The following DENND1B variants were observed in gnomAD, a reference collection of about 807,000 sequenced individuals.
DENND1B encodes DENN domain-containing protein 1B.
Under a neutral mutation model 90.1 loss-of-function variants are expected in DENND1B, and 59 were observed. The observed-to-expected ratio is 0.65, with a 90% CI of 0.53 to 0.81. The LOEUF is 0.81. Among genes scored for constraint, DENND1B ranks in the 40% least tolerant of loss-of-function variants. The pLI is 0.00. For missense variants in DENND1B, 862 were observed against 912.6 expected, an observed-to-expected ratio of 0.94 and a Z score of 0.71; for synonymous variants, 337 against 324.6, an observed-to-expected ratio of 1.04 and a Z score of -0.41.
intron 10 of DENND1B, among the ~76,000 whole-genome samples, chr1:197,637,038 T>C (rs935754265): frequency 1.3e-5 from 2 of 152,190 alleles, no homozygotes; most frequent in South Asian, 2.1e-4. Context: ...AAAAAAATTA[T>C]AGTATGTGAA....
intron 2 of DENND1B, among the ~76,000 whole-genome samples, chr1:197,725,557 T>C (rs1661551110): frequency 6.6e-6 from 1 of 151,900 alleles, no homozygotes; most frequent in African/African-American, 2.4e-5. Context: ...AGATAACCTA[T>C]ATGCCCATCA....
rs115872195 is a variant in DENND1B, at chr1:197,718,165, T to C, written c.83-3091A>G. On this transcript the variant is annotated intron_variant, in intron 2 of 22. Coordinates refer to ENST00000620048, the MANE Select transcript of DENND1B (RefSeq NM_001195215.2). The stretch of plus-strand genomic sequence containing the variant: ...AGCATATGTTTTAAATAATTTCCAA[T>C]AATTCACAAATTTTTGTGGCCCATT... Among the ~76,000 whole-genome samples, 769 of 152,120 alleles carry C rather than the reference T, an allele frequency of 5.1e-3. 7 individuals carry two copies. Among genetic ancestry groups the C allele is most frequent in the African/African-American group, 0.017 (713 of 41,540 alleles).
chr1:197,564,103 T>C (rs1001337309), intron 15 of DENND1B, among the ~76,000 whole-genome samples: 2 of 151,960 alleles, frequency 1.3e-5, no homozygotes, highest in African/African-American at 4.8e-5. Context: ...GTGAAGATGC[T>C]GTGAAGAGTG....
chr1:197,619,904 G>GAGTCTAC (rs1006688780), intron 10 of DENND1B, among the ~76,000 whole-genome samples: 1 of 151,126 alleles, frequency 6.6e-6, no homozygotes, highest in African/African-American at 2.4e-5. Context: ...GAAGAGAACC[G>GAGTCTAC]AGTCTACAGG....
intron 15 of DENND1B, among the ~76,000 whole-genome samples, chr1:197,569,716 G>C (rs886903919): frequency 2.0e-5 from 3 of 151,974 alleles, no homozygotes; most frequent in Non-Finnish European, 2.9e-5. Context: ...AATAGTACAT[G>C]ATTTCACTAA....
rs1340530694 is a variant in DENND1B at position 197,505,411 on chromosome 1, C to T, written c.*5049G>A. 2 of 151,632 alleles carry T rather than the reference C, an allele frequency of 1.3e-5. No individual in the cohort carries two copies. Among genetic ancestry groups the T allele is most frequent in the South Asian group, 4.2e-4 (2 of 4,806 alleles). 9.4% of individuals were successfully genotyped at this position (151,632 alleles called of 1,614,324 possible). On this transcript the variant is annotated 3_prime_UTR_variant, in exon 23 of 23. Transcript: ENST00000620048. ...AAATGAAATAACAGAGATGAATAGA[C>T]TTATAGGTTCATCATATCAAAGAAG...
rs573487573 is a variant in DENND1B, at chr1:197,668,350, C to T, written c.296+3687G>A. ...TATGAGTAAACAAAAGACAAAAATC[C>T]CTGCCCTCATGAGGGTAACATTCTG... On this transcript the variant is annotated intron_variant, in intron 5 of 22. Coordinates refer to ENST00000620048, the MANE Select transcript of DENND1B (RefSeq NM_001195215.2). Among the ~76,000 whole-genome samples, 285 of 151,506 alleles carry T rather than the reference C, an allele frequency of 1.9e-3. 1 individual carries two copies. The highest frequency in any genetic ancestry group is 3.5e-3 in the Non-Finnish European group (238 of 67,846).
At chr1:197,557,262 T>C (rs1671793739) in intron 15 of DENND1B, among the ~76,000 whole-genome samples, 1 of 151,904 alleles carries the variant, frequency 6.6e-6, no homozygotes, top group Admixed American at 6.6e-5. Context: ...AATGATAAAG[T>C]GAAAGTAATA....
chr1:197,658,785 GTT>G (rs1254402646), intron 5 of DENND1B, among the ~76,000 whole-genome samples: 2 of 150,970 alleles, frequency 1.3e-5, no homozygotes, highest in African/African-American at 4.8e-5. Context: ...AAAACTATGT[GTT>G]TTTCAATTCT....
Position 197,595,288 on chromosome 1 carries a change from C to T in DENND1B, c.967G>A (p.Gly323Ser), listed in dbSNP as rs764093196. The T allele has an allele frequency of 6.2e-7, 1 of 1,613,262 alleles. No individual in the cohort carries two copies. Among genetic ancestry groups the T allele is most frequent in the Non-Finnish European group, 8.5e-7 (1 of 1,179,362 alleles). ...AGAAAGGCCCTAGCTACTCCATCAC[C>T]CGTAGCTGTAGACTGCTTCTTCAGT... is the stretch of plus-strand genomic sequence containing the variant. ...NKLKKQSTAT[G>S]DGVARAFLRA... The change falls in exon 14 of 23, where the codon GGT becomes AGT. Residue 323 changes from glycine to serine, a missense_variant. Physicochemically the swap from Gly to Ser is moderately conservative, Grantham distance 56. Transcript: ENST00000620048.
intron 10 of DENND1B, among the ~76,000 whole-genome samples, chr1:197,636,291 T>C (rs1166584674): frequency 6.6e-6 from 1 of 152,072 alleles, no homozygotes. Context: ...TGAGAGATAA[T>C]CGACTAGACC....
intron 2 of DENND1B, among the ~76,000 whole-genome samples, chr1:197,720,558 T>G (rs1259361304): frequency 1.1e-5 from 1 of 90,752 alleles, no homozygotes; most frequent in Non-Finnish European, 2.1e-5. Flanking sequence ...AATTTTATAT[T>G]CAGCCTGATT....
intron 2 of DENND1B, among the ~76,000 whole-genome samples, chr1:197,764,718 C>T (rs1236004108): frequency 6.6e-6 from 1 of 152,004 alleles, no homozygotes; most frequent in East Asian, 1.9e-4. Flanking sequence ...AAAATGTTCC[C>T]TTAAAAAATA....
intron 16 of DENND1B, chr1:197,552,127 G>A: frequency 1.4e-6 from 1 of 732,254 alleles, no homozygotes; most frequent in Non-Finnish European, 1.7e-6. Flanking sequence ...GTCTTTTCAT[G>A]TGTCATTTCT....
chr1:197,707,429 T>C (rs550732491), intron 3 of DENND1B, among the ~76,000 whole-genome samples: 83 of 151,878 alleles, frequency 5.5e-4, no homozygotes, highest in Non-Finnish European at 8.7e-4. Flanking sequence ...TTTTGAATAA[T>C]CCCAGTGAAA....
chr1:197,520,412 A>C (rs1668691012), intron 20 of DENND1B, among the ~76,000 whole-genome samples: 1 of 152,006 alleles, frequency 6.6e-6, no homozygotes, highest in African/African-American at 2.4e-5. Context: ...ATAGATGAAA[A>C]TCTTACATTA....
chr1:197,636,949 T>C (rs992678803), intron 10 of DENND1B, among the ~76,000 whole-genome samples: 2 of 151,734 alleles, frequency 1.3e-5, no homozygotes, highest in African/African-American at 2.4e-5. Context: ...CGGTATTGAA[T>C]GGGATGTCAA....
At chr1:197,579,124 GT>G (rs1415532352) in intron 15 of DENND1B, among the ~76,000 whole-genome samples, 1 of 152,128 alleles carries the variant, frequency 6.6e-6, no homozygotes, top group Non-Finnish European at 1.5e-5. Context: ...ATGATTAGGA[GT>G]TTTAATTTTA....
intron 10 of DENND1B, among the ~76,000 whole-genome samples, chr1:197,634,086 C>A (rs948874207): frequency 6.6e-6 from 1 of 152,198 alleles, no homozygotes; most frequent in Non-Finnish European, 1.5e-5. Flanking sequence ...ATGAGCCACA[C>A]AGCTGTGCCC....
Sources: gnomAD v4.1 joint callset for allele counts (sites outside exome capture counted in the v4.1 genomes callset) on GRCh38, gnomAD v4.1.1 for gene constraint, MANE v1.5 for transcripts, NCBI Gene and HGNC (gene_info 2026-07-23, HGNC 2026-07-21) for gene names.